Variants in SGCZ observed in about 807,000 individuals in gnomAD.
The protein encoded by SGCZ is sarcoglycan zeta, also known as zeta-sarcoglycan.
In SGCZ, 40 loss-of-function variants were observed where a neutral mutation model predicts 41.3. The ratio of observed to expected loss-of-function variants is 0.97; its 90% confidence interval spans 0.75 to 1.26. SGCZ has a LOEUF of 1.26. SGCZ is among the 50% of genes most tolerant of loss of function. The pLI is 0.00. For missense variants in SGCZ, 552 were observed against 369.8 expected (o/e 1.49, Z -4.04); for synonymous variants, 206 against 137.5 (o/e 1.50, Z -3.49).
intron 7 of SGCZ, among the ~76,000 whole-genome samples, chr8:14,098,453 G>A (rs1251222116): frequency 6.6e-6 from 1 of 152,140 alleles, no homozygotes; most frequent in East Asian, 1.9e-4. Flanking sequence ...TCTCCCCAGG[G>A]AATGAGAGAT....
intron 2 of SGCZ, among the ~76,000 whole-genome samples, chr8:14,388,405 A>C (rs1404343098): frequency 6.6e-6 from 1 of 152,144 alleles, no homozygotes; most frequent in Non-Finnish European, 1.5e-5. Flanking sequence ...AGAATGAAAA[A>C]AAGAGAGAGA....
intron 3 of SGCZ, among the ~76,000 whole-genome samples, chr8:14,293,191 A>T (rs987931219): frequency 6.6e-6 from 1 of 152,054 alleles, no homozygotes; most frequent in Admixed American, 6.6e-5. Context: ...GATAAATCAC[A>T]ATTTAGCAAC....
At chr8:15,064,053 C>T (rs1180209079) in intron 1 of SGCZ, among the ~76,000 whole-genome samples, 1 of 152,124 alleles carries the variant, frequency 6.6e-6, no homozygotes, top group African/African-American at 2.4e-5. Context: ...CAGGATATTT[C>T]TTTTGGGTTT....
chr8:15,177,049 T>C (rs1188754471), intron 1 of SGCZ, among the ~76,000 whole-genome samples: 2 of 152,222 alleles, frequency 1.3e-5, no homozygotes, highest in East Asian at 1.9e-4. Flanking sequence ...GAAAACTATA[T>C]GTTAACACTT....
chr8:14,394,912 T>C (rs544943086), intron 2 of SGCZ, among the ~76,000 whole-genome samples: 5 of 152,288 alleles, frequency 3.3e-5, no homozygotes, highest in Admixed American at 1.3e-4. Context: ...AAGAACACAA[T>C]TGTCTGACTA....
intron 2 of SGCZ, among the ~76,000 whole-genome samples, chr8:14,524,714 G>T (rs1022323785): frequency 3.3e-5 from 5 of 151,934 alleles, no homozygotes; most frequent in African/African-American, 1.2e-4. Context: ...AACCTTCTCT[G>T]CACGGTTTTT....
intron 1 of SGCZ, among the ~76,000 whole-genome samples, chr8:14,829,623 T>C (rs1295990111): frequency 6.6e-6 from 1 of 152,184 alleles, no homozygotes; most frequent in Non-Finnish European, 1.5e-5. Context: ...TCCAATTTTC[T>C]GCACAAATTT....
At chr8:15,048,119 G>A (rs1206219229) in intron 1 of SGCZ, among the ~76,000 whole-genome samples, 1 of 151,944 alleles carries the variant, frequency 6.6e-6, no homozygotes, top group Non-Finnish European at 1.5e-5. Flanking sequence ...AGAAAATGTG[G>A]CATATAAAAA....
At chr8:14,981,760 C>A (rs550788407) in intron 1 of SGCZ, among the ~76,000 whole-genome samples, 1 of 152,126 alleles carries the variant, frequency 6.6e-6, no homozygotes. Flanking sequence ...CCCCAAAGAA[C>A]GAGACCCACC....
chr8:14,846,896 G>A (rs1276030962), intron 1 of SGCZ, among the ~76,000 whole-genome samples: 2 of 151,400 alleles, frequency 1.3e-5, no homozygotes, highest in South Asian at 2.1e-4. Context: ...TCGGTGAAAC[G>A]ACATCTCTAC....
chr8:14,603,889 T>G, intron 1 of SGCZ, among the ~76,000 whole-genome samples: 1 of 152,152 alleles, frequency 6.6e-6, no homozygotes, highest in East Asian at 1.9e-4. Flanking sequence ...AAAAACAATA[T>G]GATGAAATTA....
chr8:14,894,968 A>G (rs2130749012), intron 1 of SGCZ, among the ~76,000 whole-genome samples: 1 of 152,268 alleles, frequency 6.6e-6, no homozygotes, highest in South Asian at 2.1e-4. Context: ...CTAAATGCAA[A>G]AAAATCTTTA....
At chr8:14,718,412 C>G (rs560646644) in intron 1 of SGCZ, among the ~76,000 whole-genome samples, 2 of 151,810 alleles carry the variant, frequency 1.3e-5, no homozygotes, top group African/African-American at 4.8e-5. Flanking sequence ...TATCTATATA[C>G]GACTAATCAT....
rs542999815 is a variant in SGCZ, at chr8:14,343,704, G to T, written c.235-19500C>A. Among the ~76,000 whole-genome samples, 6 of 152,082 alleles carry T rather than the reference G, an allele frequency of 3.9e-5. No individual in the cohort carries two copies. In the South Asian group the frequency reaches 1.2e-3, roughly 32 times the overall value. On this transcript the variant is annotated intron_variant, in intron 2 of 7. Coordinates refer to ENST00000382080, the MANE Select transcript of SGCZ (RefSeq NM_139167.4). ...GAGACAGAATAATCTAGATTCAGAG[G>T]AGACTCACAATATCTGAATCACAGT...
At chr8:14,235,163 G>A (rs569490656) in intron 4 of SGCZ, among the ~76,000 whole-genome samples, 5 of 152,046 alleles carry the variant, frequency 3.3e-5, no homozygotes, top group African/African-American at 7.2e-5. Context: ...TATTTCATTG[G>A]CACCCAACCA....
At chr8:14,113,424 C>T (rs1042655584) in intron 5 of SGCZ, among the ~76,000 whole-genome samples, 1 of 151,924 alleles carries the variant, frequency 6.6e-6, no homozygotes. Context: ...ACGTTTCAGG[C>T]CAAAAAAATT....
chr8:14,273,905 C>G (rs17229197), intron 3 of SGCZ, among the ~76,000 whole-genome samples: 2 of 151,964 alleles, frequency 1.3e-5, no homozygotes, highest in Non-Finnish European at 2.9e-5. Context: ...AAAATGTTTA[C>G]GTTGTTTTAC....
Position 14,271,861 on chromosome 8 carries a change from A to G in SGCZ, c.337-34182T>C, listed in dbSNP as rs556759011. Among the ~76,000 whole-genome samples the G allele has an allele frequency of 2.8e-4, 42 of 152,296 alleles. 1 individual carries two copies. The South Asian group carries it at 8.5e-3, about 31-fold the overall frequency. Reference sequence around the variant, plus strand: ...TTAAAAGCCTCGATCTCAGCTTTACATCTCTCTTTATAAATCTTACCATGG... The same window carrying G: ...TTAAAAGCCTCGATCTCAGCTTTACGTCTCTCTTTATAAATCTTACCATGG... On this transcript the variant is annotated intron_variant, in intron 3 of 7. Transcript: ENST00000382080.
In SGCZ at chr8:14,427,784, C is replaced by A. The variant is rs140297752; in HGVS notation, c.235-103580G>T. Among the ~76,000 whole-genome samples, 876 of 152,212 alleles carry A rather than the reference C, an allele frequency of 5.8e-3. 11 individuals are homozygous for A. The highest frequency in any genetic ancestry group is 0.02 in the African/African-American group (810 of 41,526). Reference sequence around the variant, plus strand: ...ACCTGGCCACATGACAGTAATTCAACTTAAACAGTAATAAGCCACACAGTT... The same window carrying A: ...ACCTGGCCACATGACAGTAATTCAAATTAAACAGTAATAAGCCACACAGTT... On this transcript the variant is annotated intron_variant, in intron 2 of 7. Transcript: ENST00000382080.
Sources: gnomAD v4.1 joint callset for allele counts (sites outside exome capture counted in the v4.1 genomes callset) on GRCh38, gnomAD v4.1.1 for gene constraint, MANE v1.5 for transcripts, NCBI Gene and HGNC (gene_info 2026-07-23, HGNC 2026-07-21) for gene names.